R3HDML: variants seen among roughly 807,000 people sequenced by gnomAD.
R3HDML encodes R3H domain containing like.
Under a neutral mutation model 24.2 loss-of-function variants are expected in R3HDML, and 21 were observed. The observed-to-expected ratio is 0.87, with a 90% CI of 0.62 to 1.25. R3HDML has a LOEUF of 1.25. Among genes scored for constraint, R3HDML ranks in the 50% most tolerant of loss-of-function variants. R3HDML has a pLI of 0.00. For synonymous variants in R3HDML, 133 were observed against 131.5 expected, an observed-to-expected ratio of 1.01 and a Z score of -0.08; for missense variants, 301 against 340.3, an observed-to-expected ratio of 0.88 and a Z score of 0.91.
At position 44,337,345 on chromosome 20, in the gene R3HDML, T is replaced by C; in HGVS notation, c.188T>C (p.Met63Thr). Residue 63 changes from methionine (M) to threonine (T), a missense_variant, in exon 1 of 5, where the codon ATG becomes ACG. Coordinates refer to ENST00000217043, the MANE Select transcript of R3HDML (RefSeq NM_178491.4). The surrounding 1 kb of genome is among the most constrained non-coding windows in gnomAD (Gnocchi z 4.7). ...RRKRHISVRD[M>T]NALLDYHNHI... ...AAGCGCCACATCTCTGTGAGAGACA[T>C]GAATGCCTTACTGGATTATCACAAC... The C allele has an allele frequency of 1.2e-6, 2 of 1,614,184 alleles. No individual in the cohort carries two copies. The highest frequency in any genetic ancestry group is 1.7e-6 in the Non-Finnish European group (2 of 1,180,036).
At position 44,341,257 on chromosome 20, in the gene R3HDML, A is replaced by G. The variant is rs1394049995; in HGVS notation, c.323A>G (p.His108Arg). ...EAWATQCIWA[H>R]GPSQLMRYVG... ...TGGGCCACCCAGTGCATCTGGGCAC[A>G]TGGGCCTTCACAGCTGATGAGATAC... The change falls in exon 2 of 5, where the codon CAT becomes CGT. Residue 108 changes from histidine (H) to arginine (R), a missense_variant. Coordinates refer to ENST00000217043, the MANE Select transcript of R3HDML (RefSeq NM_178491.4). The G allele has an allele frequency of 1.2e-6, 2 of 1,614,192 alleles. No individual in the cohort carries two copies. The highest frequency in any genetic ancestry group is 1.7e-6 in the Non-Finnish European group (2 of 1,180,004).
chr20:44,347,728 G>A (rs1271232212), intron 4 of R3HDML: 2 of 152,182 alleles, frequency 1.3e-5, no homozygotes, highest in Non-Finnish European at 2.9e-5. Flanking sequence ...CCAACAAGTA[G>A]TAGAGCTGGT....
intron 4 of R3HDML, among the ~76,000 whole-genome samples, 161 bp downstream of exon 4, chr20:44,345,539 C>T (rs1378951884): frequency 2.6e-5 from 4 of 152,050 alleles, no homozygotes; most frequent in African/African-American, 9.7e-5. Flanking sequence ...CATGGTGGCT[C>T]ACGCCTGAAA....
chr20:44,348,396 C>T (rs1406094418), intron 4 of R3HDML, among the ~76,000 whole-genome samples: 1 of 151,622 alleles, frequency 6.6e-6, no homozygotes, highest in Non-Finnish European at 1.5e-5. Flanking sequence ...TGACAGGCTT[C>T]GGCCTTCCCC....
rs372340348 is a variant in R3HDML at position 44,350,839 on chromosome 20, T to C, written c.*47T>C. On this transcript the variant is annotated 3_prime_UTR_variant, in exon 5 of 5. Transcript: ENST00000217043. ...GCCTCCAGCTGGGCCTGACCCTCCA[T>C]GTCCTGCCCTCAAAAAACTGGGTGG... 4 of 1,596,000 alleles carry C rather than the reference T, an allele frequency of 2.5e-6. No homozygotes were observed. The highest frequency in any genetic ancestry group is 1.4e-5 in the African/African-American group (1 of 73,874).
At position 44,337,334 on chromosome 20, in the gene R3HDML, T is replaced by C; in HGVS notation, c.177T>C (p.Ser59=). The part of the protein sequence containing the change: ...VPRYRRKRHI[S]VRDMNALLDY... ...GGTACCGCCGGAAGCGCCACATCTC[T>C]GTGAGAGACATGAATGCCTTACTGG... Residue 59 remains serine (S), a synonymous_variant, in exon 1 of 5, where the codon TCT becomes TCC. Transcript: ENST00000217043. The surrounding 1 kb of genome is among the most constrained non-coding windows in gnomAD (Gnocchi z 4.7). 6.2e-7 allele frequency: 1 copy of C among 1,614,232 alleles called. No individual in the cohort carries two copies. The highest frequency in any genetic ancestry group is 2.2e-5 in the East Asian group (1 of 44,892).
At chr20:44,339,930 C>T (rs1036896040) in intron 1 of R3HDML, among the ~76,000 whole-genome samples, 5 of 151,990 alleles carry the variant, frequency 3.3e-5, no homozygotes, top group African/African-American at 1.2e-4. Flanking sequence ...AGGTACACAC[C>T]ACCATGCCTG....
Position 44,350,717 on chromosome 20 carries a change from C to T in R3HDML, c.687C>T (p.Pro229=), listed in dbSNP as rs375510021. Residue 229 remains proline, a synonymous_variant, in exon 5 of 5, where the codon CCC becomes CCT. Coordinates refer to ENST00000217043, the MANE Select transcript of R3HDML (RefSeq NM_178491.4). ...TGGGAAAGCCGTGCTCCTCCTGTCC[C>T]CCCAGTTATCAAGGCAGCTGCAATA... ...YKMGKPCSSC[P]PSYQGSCNSN... 1.2e-6 allele frequency: 2 copies of T among 1,613,912 alleles called. No homozygotes were observed. Among genetic ancestry groups the T allele is most frequent in the Non-Finnish European group, 1.7e-6 (2 of 1,180,010 alleles).
intron 4 of R3HDML, among the ~76,000 whole-genome samples, chr20:44,348,415 C>CCTTT (rs1482126069): frequency 6.6e-6 from 1 of 151,724 alleles, no homozygotes; most frequent in South Asian, 2.1e-4. Context: ...CCTTCCCCTT[C>CCTTT]CTTTCTTTCC....
chr20:44,350,850 C>T lies in R3HDML; in HGVS notation c.*58C>T. 1 of 1,574,260 alleles carries T rather than the reference C, an allele frequency of 6.4e-7. No homozygotes were observed. The highest frequency in any genetic ancestry group is 8.6e-7 in the Non-Finnish European group (1 of 1,159,588). ...GGCCTGACCCTCCATGTCCTGCCCT[C>T]AAAAAACTGGGTGGAGAAATAATTG... On this transcript the variant is annotated 3_prime_UTR_variant, in exon 5 of 5. Transcript: ENST00000217043.
At position 44,341,278 on chromosome 20, in the gene R3HDML, G is replaced by C; in HGVS notation, c.344G>C (p.Arg115Thr). The C allele has an allele frequency of 1.9e-6, 3 of 1,614,180 alleles. No individual in the cohort carries two copies. Among genetic ancestry groups the C allele is most frequent in the Non-Finnish European group, 2.5e-6 (3 of 1,180,000 alleles). The change falls in exon 2 of 5, where the codon AGA (arginine) becomes ACA (threonine). Residue 115 changes from arginine to threonine, a missense_variant. By Grantham distance (71) the Arg-to-Thr change is moderately conservative. Coordinates refer to ENST00000217043, the MANE Select transcript of R3HDML (RefSeq NM_178491.4). The part of the protein sequence containing the change: ...IWAHGPSQLM[R>T]YVGQNLSIHS... ...GCACATGGGCCTTCACAGCTGATGA[G>C]ATACGTGGGCCAGAACCTCTCCATC...
intron 1 of R3HDML, 33 bp from the exon 2 acceptor site, chr20:44,341,163 C>A: frequency 6.4e-7 from 1 of 1,562,122 alleles, no homozygotes; most frequent in South Asian, 1.1e-5. Flanking sequence ...GTGGCAATTC[C>A]CCTGGGGAAT....
intron 1 of R3HDML, among the ~76,000 whole-genome samples, chr20:44,340,601 C>T (rs1401765817): frequency 6.6e-6 from 1 of 152,078 alleles, no homozygotes; most frequent in African/African-American, 2.4e-5. Flanking sequence ...TGGAGACTAG[C>T]CTGGGCAACA....
chr20:44,347,137 G>A (rs370459725), intron 4 of R3HDML, among the ~76,000 whole-genome samples: 36 of 152,102 alleles, frequency 2.4e-4, no homozygotes, highest in African/African-American at 6.3e-4. Context: ...GCAAGACTCC[G>A]TCTCAAACAA....
rs1406941226 is a variant in R3HDML at position 44,351,047 on chromosome 20, A to G, written c.*255A>G. The G allele has an allele frequency of 2.5e-6, 1 of 399,888 alleles. No individual in the cohort carries two copies. The highest frequency in any genetic ancestry group is 4.4e-6 in the Non-Finnish European group (1 of 224,876). The allele number at this position is 399,888 out of a possible 1,614,324, so 24.8% of individuals were successfully genotyped here. ...GGAAAGAGCCCTGCATCTTTCATTA[A>G]TTCGGTTCTCAGAGAACCAAGGCTG... On this transcript the variant is annotated 3_prime_UTR_variant, in exon 5 of 5. Transcript: ENST00000217043.
chr20:44,347,479 AAAGTGCTGGG>A (rs2062791023), intron 4 of R3HDML: 2 of 152,290 alleles, frequency 1.3e-5, no homozygotes, highest in East Asian at 3.9e-4. Context: ...TTGGACTCCC[AAAGTGCTGGG>A]ATTATAGGTG....
intron 4 of R3HDML, among the ~76,000 whole-genome samples, chr20:44,346,093 T>A (rs1476735341): frequency 2.0e-5 from 3 of 152,190 alleles, no homozygotes; most frequent in African/African-American, 7.2e-5. Flanking sequence ...GTGCTGGGAT[T>A]ACAGGAGTGA....
intron 4 of R3HDML, among the ~76,000 whole-genome samples, chr20:44,349,320 C>T (rs1458973567): frequency 6.7e-6 from 1 of 149,984 alleles, no homozygotes; most frequent in Non-Finnish European, 1.5e-5. Context: ...ATAGTGATTG[C>T]AATCCTTTGT....
At chr20:44,343,617 G>A in intron 3 of R3HDML, 108 bp downstream of exon 3, 1 of 1,177,444 alleles carries the variant, frequency 8.5e-7, no homozygotes, top group African/African-American at 1.6e-5. Context: ...ACCGTTATGA[G>A]CTTCTTTTCA....
Sources: gnomAD v4.1 joint callset for allele counts (sites outside exome capture counted in the v4.1 genomes callset) on GRCh38, gnomAD v4.1.1 for gene constraint, Gnocchi (gnomAD v3.1) non-coding constraint, MANE v1.5 for transcripts, NCBI Gene and HGNC (gene_info 2026-07-23, HGNC 2026-07-21) for gene names.